Variants in PPP2R2D observed in about 807,000 individuals in gnomAD.
The protein encoded by PPP2R2D is protein phosphatase 2 regulatory subunit Bdelta.
Under a neutral mutation model 31.1 loss-of-function variants are expected in PPP2R2D, and 9 were observed. The ratio of observed to expected loss-of-function variants is 0.29; its 90% confidence interval spans 0.17 to 0.51. The LOEUF (loss-of-function observed/expected upper bound fraction) is 0.51, where lower values mean the gene tolerates loss of function less well. Ranked by LOEUF, PPP2R2D falls within the 20% of genes least tolerant of loss-of-function variation. The pLI, the probability that PPP2R2D is intolerant of heterozygous loss-of-function variation, is 0.98. For missense variants in PPP2R2D, 391 were observed against 465.6 expected, an observed-to-expected ratio of 0.84 and a Z score of 1.48; for synonymous variants, 179 against 172.6, an observed-to-expected ratio of 1.04 and a Z score of -0.29.
intron 2 of PPP2R2D, among the ~76,000 whole-genome samples, chr10:131,914,848 A>G (rs1195226488): frequency 2.6e-5 from 4 of 152,124 alleles, no homozygotes; most frequent in Admixed American, 2.6e-4. Context: ...TATTCTGCAC[A>G]TTTCTGTATT....
chr10:131,937,361 T>A (rs1408516470), intron 3 of PPP2R2D, among the ~76,000 whole-genome samples: 1 of 152,198 alleles, frequency 6.6e-6, no homozygotes, highest in Non-Finnish European at 1.5e-5. Flanking sequence ...CCCTCCAGGC[T>A]CAGCTCTAGC....
At chr10:131,936,894 T>C (rs146332117) in intron 3 of PPP2R2D, among the ~76,000 whole-genome samples, 1 of 152,376 alleles carries the variant, frequency 6.6e-6, no homozygotes, top group Non-Finnish European at 1.5e-5. Context: ...AGCATTCGGC[T>C]GGTTGCCCCA....
intron 5 of PPP2R2D, among the ~76,000 whole-genome samples, chr10:131,942,973 A>G (rs1288758873): frequency 6.6e-6 from 1 of 152,214 alleles, no homozygotes; most frequent in Non-Finnish European, 1.5e-5. Flanking sequence ...ATTCAGCCAG[A>G]CAAGACTCAG....
At chr10:131,943,265 C>T (rs2036473480) in intron 5 of PPP2R2D, among the ~76,000 whole-genome samples, 1 of 152,168 alleles carries the variant, frequency 6.6e-6, no homozygotes, top group Non-Finnish European at 1.5e-5. Context: ...CCTAGGAAGC[C>T]TCCCTGACCA....
chr10:131,932,661 A>G (rs1266922242), intron 2 of PPP2R2D, among the ~76,000 whole-genome samples: 1 of 149,604 alleles, frequency 6.7e-6, no homozygotes, highest in Non-Finnish European at 1.5e-5. Context: ...AAAAAAAAAA[A>G]AAAAAAACAC....
intron 2 of PPP2R2D, among the ~76,000 whole-genome samples, chr10:131,926,950 G>C (rs373078390): frequency 2.6e-5 from 4 of 152,192 alleles, no homozygotes; most frequent in Non-Finnish European, 5.9e-5. Flanking sequence ...GTAGCAGAGC[G>C]CTGGCTACAG....
intron 2 of PPP2R2D, among the ~76,000 whole-genome samples, chr10:131,928,845 GAGACGGGTC>G (rs1479875371): frequency 6.6e-6 from 1 of 152,228 alleles, no homozygotes; most frequent in East Asian, 1.9e-4. Flanking sequence ...CCAGGCAGGG[GAGACGGGTC>G]AGACGGGTCA....
At chr10:131,921,843 A>G (rs1006579611) in intron 2 of PPP2R2D, among the ~76,000 whole-genome samples, 1 of 152,208 alleles carries the variant, frequency 6.6e-6, no homozygotes. Flanking sequence ...CATGGCTCAC[A>G]TAGTTATTTG....
At chr10:131,964,287 C>T (rs539712223), downstream of PPP2R2D, among the ~76,000 whole-genome samples, 399 of 152,014 alleles carry the variant, frequency 2.6e-3, 5 homozygotes, top group African/African-American at 9.1e-3. Context: ...TTTCCGTCGA[C>T]GAATCAGCAG....
At position 131,947,396 on chromosome 10, in the gene PPP2R2D, A is replaced by T. The variant is rs1338157918; in HGVS notation, c.821-134A>T. On this transcript the variant is annotated intron_variant, in intron 7 of 8. Coordinates refer to ENST00000455566, the MANE Select transcript of PPP2R2D (RefSeq NM_018461.5). This position sits in a 1 kb window ranked among gnomAD's most constrained non-coding sequence, Gnocchi z 4.3. ...GATCAGAAAACCTAGAGAATCAGAAAGATCAGAAGACCTAGTGTTGAGGCC... is the reference window on the plus strand; with the variant it reads ...GATCAGAAAACCTAGAGAATCAGAATGATCAGAAGACCTAGTGTTGAGGCC... 1.1e-6 allele frequency: 1 copy of T among 879,008 alleles called. No homozygotes were observed. The highest frequency in any genetic ancestry group is 1.7e-5 in the African/African-American group (1 of 58,788). The allele number at this position is 879,008 out of a possible 1,614,324, so 54.5% of individuals were successfully genotyped here.
intron 2 of PPP2R2D, among the ~76,000 whole-genome samples, chr10:131,928,360 A>T (rs915720735): frequency 1.3e-5 from 2 of 152,182 alleles, no homozygotes; most frequent in Non-Finnish European, 1.5e-5. Flanking sequence ...AGTGTGTTTA[A>T]ATGACCCACT....
downstream of PPP2R2D, among the ~76,000 whole-genome samples, chr10:131,961,997 C>T (rs369786150): frequency 7.2e-5 from 11 of 152,344 alleles, no homozygotes; most frequent in African/African-American, 2.4e-4. Context: ...GAGAGCCCAG[C>T]AAGGCAGCTG....
chr10:131,940,060 A>G lies in PPP2R2D; in HGVS notation c.228A>G (p.Glu76=), dbSNP rs781790586. ...ENKSRPHSRG[E]YNVYSTFQSH... ...AAAGCCGCCCTCATTCTAGGGGAGA[A>G]TATAATGTTTACAGCACCTTTCAAA... The change falls in exon 4 of 9, where the codon GAA becomes GAG. Residue 76 remains glutamate, a synonymous_variant. Transcript: ENST00000455566. The G allele has an allele frequency of 1.3e-6, 1 of 771,476 alleles. No homozygotes were observed. Among genetic ancestry groups the G allele is most frequent in the South Asian group, 1.4e-5 (1 of 72,850 alleles). 47.8% of individuals were successfully genotyped at this position (771,476 alleles called of 1,614,324 possible). A position where few individuals can be genotyped will look rare whatever the true frequency, so the allele number is the denominator to read the frequency against.
intron 2 of PPP2R2D, among the ~76,000 whole-genome samples, chr10:131,920,006 G>C (rs1422793977): frequency 6.7e-6 from 1 of 149,808 alleles, no homozygotes; most frequent in Non-Finnish European, 1.5e-5. Flanking sequence ...CACAGTGTTT[G>C]TAGGGACCTC....
chr10:131,905,841 T>C (rs980403252), intron 2 of PPP2R2D, among the ~76,000 whole-genome samples: 2 of 152,240 alleles, frequency 1.3e-5, no homozygotes, highest in Non-Finnish European at 2.9e-5. Context: ...GAAGCCCCAC[T>C]GTGGCATGCG....
chr10:131,904,912 T>G (rs1276838632), intron 2 of PPP2R2D, among the ~76,000 whole-genome samples: 1 of 152,198 alleles, frequency 6.6e-6, no homozygotes, highest in Non-Finnish European at 1.5e-5. Context: ...AACTAATAGT[T>G]TTGGGCTGGG....
At chr10:131,959,985 G>A (rs527635366), downstream of PPP2R2D, among the ~76,000 whole-genome samples, 1 of 152,180 alleles carries the variant, frequency 6.6e-6, no homozygotes, top group Non-Finnish European at 1.5e-5. Flanking sequence ...TGCTGCTCCC[G>A]TGGAACTGCC....
intron 2 of PPP2R2D, among the ~76,000 whole-genome samples, chr10:131,929,271 G>A (rs1201961881): frequency 6.6e-6 from 1 of 152,202 alleles, no homozygotes; most frequent in East Asian, 1.9e-4. Flanking sequence ...ATGTTATCAT[G>A]GGAATGGGCA....
At chr10:131,925,689 T>TC (rs1237555046) in intron 2 of PPP2R2D, among the ~76,000 whole-genome samples, 4 of 152,184 alleles carry the variant, frequency 2.6e-5, no homozygotes, top group Non-Finnish European at 5.9e-5. Context: ...TTTTTTTTGC[T>TC]CCTTAGTTCA....
Sources: gnomAD v4.1 joint callset for allele counts (sites outside exome capture counted in the v4.1 genomes callset) on GRCh38, gnomAD v4.1.1 for gene constraint, Gnocchi (gnomAD v3.1) non-coding constraint, MANE v1.5 for transcripts, NCBI Gene and HGNC (gene_info 2026-07-23, HGNC 2026-07-21) for gene names.